FRMD3: variants seen among roughly 807,000 people sequenced by gnomAD.
FRMD3 encodes the protein FERM domain containing 3, also known as FERM domain-containing protein 3.
In FRMD3, 33 loss-of-function variants were observed where a neutral mutation model predicts 70.2. The ratio of observed to expected loss-of-function variants is 0.47; its 90% CI spans 0.36 to 0.63. The LOEUF is 0.63. Among genes scored for constraint, FRMD3 ranks in the 20% least tolerant of loss-of-function variants. FRMD3 has a pLI of 0.00. For missense variants in FRMD3, 632 were observed against 711.4 expected, an observed-to-expected ratio of 0.89 and a Z score of 1.27; for synonymous variants, 279 against 255.9, an observed-to-expected ratio of 1.09 and a Z score of -0.86.
chr9:83,445,406 T>A (rs1484640050), intron 1 of FRMD3, among the ~76,000 whole-genome samples: 3 of 151,394 alleles, frequency 2.0e-5, no homozygotes, highest in Admixed American at 6.6e-5. Flanking sequence ...TACTGCTGGC[T>A]GACAGCAGCC....
chr9:83,488,615 T>A (rs3860934), intron 1 of FRMD3, among the ~76,000 whole-genome samples: 68,417 of 152,020 alleles, frequency 0.45, 15,860 homozygotes, highest in Middle Eastern at 0.5. Context: ...TCTCCTCACT[T>A]TATTTCACAC....
Position 83,389,588 on chromosome 9 carries a change from A to G in FRMD3, c.252+16T>C, listed in dbSNP as rs1182909674. 4 of 1,571,854 alleles carry G rather than the reference A, an allele frequency of 2.5e-6. No individual in the cohort carries two copies. The highest frequency in any genetic ancestry group is 3.5e-6 in the Non-Finnish European group (4 of 1,141,446). On this transcript the variant is annotated intron_variant, in intron 2 of 13. Transcript: ENST00000304195. ...TCACTCCCTGAAAATGGCTCCAGAT[A>G]GAAATCAGCTCTTACCCTTTGCTTC...
At chr9:83,269,640 C>T (rs1394711734) in intron 13 of FRMD3, among the ~76,000 whole-genome samples, 2 of 150,764 alleles carry the variant, frequency 1.3e-5, no homozygotes, top group African/African-American at 4.9e-5. Context: ...ACCCGGGAGG[C>T]GGAGGTTGCA....
intron 1 of FRMD3, among the ~76,000 whole-genome samples, chr9:83,452,310 C>G (rs1827682733): frequency 6.6e-6 from 1 of 152,134 alleles, no homozygotes; most frequent in Non-Finnish European, 1.5e-5. Flanking sequence ...ATTGGGTGCT[C>G]AAGCCCATGT....
chr9:83,487,990 G>T (rs1371047015), intron 1 of FRMD3, among the ~76,000 whole-genome samples: 2 of 152,106 alleles, frequency 1.3e-5, no homozygotes, highest in Non-Finnish European at 2.9e-5. Context: ...GAACAATAAA[G>T]ACTACACGTT....
At chr9:83,275,576 G>T (rs1405444117) in intron 13 of FRMD3, among the ~76,000 whole-genome samples, 1 of 152,096 alleles carries the variant, frequency 6.6e-6, no homozygotes, top group Non-Finnish European at 1.5e-5. Context: ...GTGAGGTAAG[G>T]GACCCCCAAC....
downstream of FRMD3, chr9:83,243,286 G>A (rs150174690): frequency 1.4e-6 from 2 of 1,458,638 alleles, no homozygotes; most frequent in African/African-American, 2.8e-5. Flanking sequence ...GGACAAGTAA[G>A]CAGCGACCTT....
intron 1 of FRMD3, among the ~76,000 whole-genome samples, chr9:83,419,098 G>A (rs1769248703): frequency 6.6e-6 from 1 of 152,022 alleles, no homozygotes; most frequent in Non-Finnish European, 1.5e-5. Context: ...GTACACAAAG[G>A]CACACAGAGT....
At chr9:83,399,313 G>C (rs1825888399) in intron 1 of FRMD3, among the ~76,000 whole-genome samples, 1 of 152,104 alleles carries the variant, frequency 6.6e-6, no homozygotes, top group Non-Finnish European at 1.5e-5. Flanking sequence ...TACCTCTACT[G>C]CGTACTGTGG....
At chr9:83,462,428 G>A (rs971180102) in intron 1 of FRMD3, among the ~76,000 whole-genome samples, 10 of 152,252 alleles carry the variant, frequency 6.6e-5, no homozygotes, top group Non-Finnish European at 1.3e-4. Flanking sequence ...TTTCCCAGCT[G>A]GCATCTCAGG....
In FRMD3 at chr9:83,501,771, G is replaced by A. The variant is rs188492860; in HGVS notation, c.147+36314C>T. ...TTGTTCTTGAGAGGAATTTCTTATT[G>A]CTAGCAGGGCTTCATTTTCATCCCT... is the stretch of plus-strand genomic sequence containing the variant. On this transcript the variant is annotated intron_variant, in intron 1 of 13. Coordinates refer to ENST00000304195, the MANE Select transcript of FRMD3 (RefSeq NM_174938.6). Among the ~76,000 whole-genome samples the A allele has an allele frequency of 1.5e-3, 231 of 152,298 alleles. 2 individuals carry two copies. The highest frequency in any genetic ancestry group is 5.3e-3 in the African/African-American group (222 of 41,570).
At chr9:83,473,760 C>T (rs1468914176) in intron 1 of FRMD3, among the ~76,000 whole-genome samples, 6 of 152,202 alleles carry the variant, frequency 3.9e-5, no homozygotes, top group African/African-American at 1.2e-4. Context: ...GTCCACTTTC[C>T]AAAGACATGG....
rs1834798133 is a variant in FRMD3, at chr9:83,299,143, T to C, written c.970A>G (p.Ile324Val). ...SQIKTVSSSK[I>V]FFKGSRFRYS... is the part of the protein sequence containing the mutation. ...CGAAATCTACTTCCTTTAAAAAATATCTTGCTGCTTGATACAGTCTTGATC... is the reference window on the plus strand; with the variant it reads ...CGAAATCTACTTCCTTTAAAAAATACCTTGCTGCTTGATACAGTCTTGATC... The change falls in exon 11 of 14, where the codon ATA becomes GTA. Residue 324 changes from isoleucine to valine, a missense_variant. Physicochemically the swap from Ile to Val is conservative, Grantham distance 29 (BLOSUM62 3). This residue lies in a region of FRMD3 where 418 missense variants were observed against 442.1 expected (regional missense o/e 0.95). Coordinates refer to ENST00000304195, the MANE Select transcript of FRMD3 (RefSeq NM_174938.6). 6.2e-7 allele frequency: 1 copy of C among 1,612,984 alleles called. No homozygotes were observed. The highest frequency in any genetic ancestry group is 8.5e-7 in the Non-Finnish European group (1 of 1,179,326).
chr9:83,335,571 T>C lies in FRMD3; in HGVS notation c.541A>G (p.Lys181Glu). The C allele has an allele frequency of 1.2e-6, 2 of 1,613,312 alleles. No individual in the cohort carries two copies. Among genetic ancestry groups the C allele is most frequent in the South Asian group, 2.2e-5 (2 of 91,048 alleles). Residue 181 changes from lysine to glutamate, a missense_variant, in exon 6 of 14, where the codon AAG (lysine) becomes GAG (glutamate). By Grantham distance (56) the Lys-to-Glu change is moderately conservative. This residue lies in a region of FRMD3 where 208 missense variants were observed against 247.7 expected (regional missense o/e 0.84). Coordinates refer to ENST00000304195, the MANE Select transcript of FRMD3 (RefSeq NM_174938.6). ...NYISEFEIFP[K>E]QSQKLERKIV... ...TTTCTTTCCAGCTTCTGTGACTGCT[T>C]GGGGAAAATCTCAAACTCACTGATG... is the stretch of plus-strand genomic sequence containing the variant.
the FRMD3 span, among the ~76,000 whole-genome samples, chr9:83,565,366 C>T: frequency 2.6e-5 from 4 of 152,198 alleles, no homozygotes; most frequent in East Asian, 5.8e-4. Context: ...TTACTAAAGG[C>T]GCATGCTATA....
intron 1 of FRMD3, among the ~76,000 whole-genome samples, chr9:83,504,212 C>T (rs1829133895): frequency 6.6e-6 from 1 of 152,194 alleles, no homozygotes; most frequent in Non-Finnish European, 1.5e-5. Context: ...AAACGGAAAG[C>T]ACCACCAATG....
intron 13 of FRMD3, among the ~76,000 whole-genome samples, chr9:83,269,583 C>T (rs1833451609): frequency 1.3e-5 from 2 of 152,052 alleles, no homozygotes; most frequent in East Asian, 1.9e-4. Flanking sequence ...GTGGCGGGCA[C>T]CTGTAATCCC....
intron 1 of FRMD3, among the ~76,000 whole-genome samples, chr9:83,455,487 C>T (rs995703243): frequency 3.3e-5 from 5 of 152,086 alleles, no homozygotes; most frequent in African/African-American, 1.2e-4. Context: ...TTGCTTCTTC[C>T]TCATTTTTTC....
intron 1 of FRMD3, among the ~76,000 whole-genome samples, chr9:83,438,446 G>C (rs1276497700): frequency 7.1e-6 from 1 of 140,178 alleles, no homozygotes; most frequent in Non-Finnish European, 1.5e-5. Flanking sequence ...TTGAGATGGA[G>C]TCTTACTCTC....
Sources: gnomAD v4.1 joint callset for allele counts (sites outside exome capture counted in the v4.1 genomes callset) on GRCh38, gnomAD v4.1.1 for gene constraint, gnomAD v4.1.1 regional missense constraint, MANE v1.5 for transcripts, NCBI Gene and HGNC (gene_info 2026-07-23, HGNC 2026-07-21) for gene names.